The following ZNF578 variants were observed in gnomAD, a reference collection of about 807,000 sequenced individuals.
The protein encoded by ZNF578 is Putative chemokine-related protein B42.
Under a neutral mutation model 8.3 loss-of-function variants are expected in ZNF578, and 8 were observed. The observed-to-expected ratio is 0.96, with a 90% CI of 0.56 to 1.74. The LOEUF (loss-of-function observed/expected upper bound fraction) is 1.74, where lower values mean the gene tolerates loss of function less well. Among genes scored for constraint, ZNF578 ranks in the 40% most tolerant of loss-of-function variants. The pLI is 0.00. For synonymous variants in ZNF578, 206 were observed against 232.2 expected (o/e 0.89, Z 1.03); for missense variants, 726 against 707.5 (o/e 1.03, Z -0.30).
chr19:52,509,366 G>A (rs961554494), intron 5 of ZNF578, among the ~76,000 whole-genome samples: 2 of 152,104 alleles, frequency 1.3e-5, no homozygotes, highest in Non-Finnish European at 2.9e-5. Context: ...TCTGCAGGCT[G>A]TATAAATGTA....
intron 2 of ZNF578, among the ~76,000 whole-genome samples, chr19:52,459,719 G>GTGTA (rs1555751317): frequency 4.1e-5 from 2 of 48,714 alleles, no homozygotes; most frequent in Admixed American, 3.1e-4. Flanking sequence ...AGATATGTGT[G>GTGTA]TGTGTGTGTG....
chr19:52,466,080 A>G (rs2059274180), intron 2 of ZNF578, among the ~76,000 whole-genome samples: 1 of 152,268 alleles, frequency 6.6e-6, no homozygotes, highest in South Asian at 2.1e-4. Flanking sequence ...TGGTCTCCAC[A>G]CTATTGTGTA....
chr19:52,496,797 C>T (rs560202748), intron 3 of ZNF578, among the ~76,000 whole-genome samples: 23 of 151,862 alleles, frequency 1.5e-4, no homozygotes, highest in Non-Finnish European at 2.6e-4. Flanking sequence ...AGCACCATGG[C>T]CGGCTAATTT....
At chr19:52,455,689 T>C (rs1009372108) in intron 1 of ZNF578, 6 of 152,240 alleles carry the variant, frequency 3.9e-5, no homozygotes, top group African/African-American at 1.2e-4. Context: ...TATGCTCCCT[T>C]GCAGTCCTAC....
intron 2 of ZNF578, among the ~76,000 whole-genome samples, chr19:52,463,161 T>C (rs544647721): frequency 6.6e-6 from 1 of 152,346 alleles, no homozygotes; most frequent in South Asian, 2.1e-4. Context: ...TAGGGGATAC[T>C]TGTACTGTGT....
chr19:52,472,973 TTAATA>T (rs1295353333), intron 2 of ZNF578, among the ~76,000 whole-genome samples: 5 of 152,344 alleles, frequency 3.3e-5, no homozygotes, highest in Admixed American at 3.3e-4. Context: ...ATGTCATACA[TTAATA>T]TAAGAGAACC....
intron 3 of ZNF578, among the ~76,000 whole-genome samples, chr19:52,492,165 A>AC (rs1477105082): frequency 4.3e-5 from 2 of 46,908 alleles, no homozygotes; most frequent in Non-Finnish European, 7.5e-5. Flanking sequence ...CTCAAAAAAA[A>AC]AAAAAAAAAA....
chr19:52,490,408 T>A (rs1389026702), intron 2 of ZNF578, among the ~76,000 whole-genome samples: 1 of 152,188 alleles, frequency 6.6e-6, no homozygotes, highest in Non-Finnish European at 1.5e-5. Context: ...GCTTTTTTCT[T>A]GAGAGAGAAT....
At chr19:52,483,550 T>C (rs545933599) in intron 2 of ZNF578, among the ~76,000 whole-genome samples, 60 of 152,336 alleles carry the variant, frequency 3.9e-4, no homozygotes, top group Admixed American at 1.7e-3. Context: ...TGAACATCCC[T>C]TTTGGCCAAT....
chr19:52,487,316 G>A (rs1034874071), intron 2 of ZNF578, among the ~76,000 whole-genome samples: 1 of 152,182 alleles, frequency 6.6e-6, no homozygotes, highest in African/African-American at 2.4e-5. Flanking sequence ...TCAACAGGGC[G>A]AGAGACTTTG....
chr19:52,512,401 A>G lies in ZNF578; in HGVS notation c.*247A>G. ...CGCTACAACGATTGCAAATCATTGG[A>G]GAATCCATAATGAAGAGAGATCTTC... On this transcript the variant is annotated 3_prime_UTR_variant, in exon 6 of 6. Transcript: ENST00000421239. 6.8e-7 allele frequency: 1 copy of G among 1,469,936 alleles called. No individual in the cohort carries two copies. The highest frequency in any genetic ancestry group is 1.7e-5 in the Admixed American group (1 of 59,500). 91.1% of individuals were successfully genotyped at this position (1,469,936 alleles called of 1,614,324 possible). A position where few individuals can be genotyped will look rare whatever the true frequency, so the allele number is the denominator to read the frequency against.
At chr19:52,466,405 C>T (rs1481828808) in intron 2 of ZNF578, among the ~76,000 whole-genome samples, 1 of 152,168 alleles carries the variant, frequency 6.6e-6, no homozygotes, top group Non-Finnish European at 1.5e-5. Context: ...GGAGGCTTTC[C>T]TCCTCAGAGG....
chr19:52,466,740 C>CCATG (rs145756046), intron 2 of ZNF578, among the ~76,000 whole-genome samples: 5,232 of 152,140 alleles, frequency 0.034, 284 homozygotes, highest in African/African-American at 0.11. Context: ...ATGAGCAAGC[C>CCATG]CATGGCTCTT....
intron 4 of ZNF578, among the ~76,000 whole-genome samples, chr19:52,502,951 G>A (rs1379916513): frequency 1.1e-4 from 16 of 152,134 alleles, no homozygotes; most frequent in Non-Finnish European, 2.2e-4. Context: ...GGAGTGCAAT[G>A]TCAGGATCTC....
chr19:52,497,347 T>G (rs1673890), intron 3 of ZNF578, among the ~76,000 whole-genome samples: 3 of 152,068 alleles, frequency 2.0e-5, no homozygotes, highest in African/African-American at 7.2e-5. Context: ...CCGCCCACCT[T>G]GGCCTCCCAA....
intron 2 of ZNF578, among the ~76,000 whole-genome samples, chr19:52,478,799 T>C (rs1202729408): frequency 6.6e-6 from 1 of 152,054 alleles, no homozygotes; most frequent in Non-Finnish European, 1.5e-5. Flanking sequence ...CTGCAACCTC[T>C]GCCTCCCGGG....
intron 2 of ZNF578, among the ~76,000 whole-genome samples, chr19:52,488,079 G>A (rs2059351992): frequency 6.6e-6 from 1 of 151,714 alleles, no homozygotes; most frequent in South Asian, 2.1e-4. Flanking sequence ...CTCAGCCTCA[G>A]TAGCTGGGAT....
At chr19:52,503,787 A>G (rs2059415574) in intron 4 of ZNF578, among the ~76,000 whole-genome samples, 1 of 148,540 alleles carries the variant, frequency 6.7e-6, no homozygotes, top group South Asian at 2.1e-4. Flanking sequence ...CTGTAGAGAA[A>G]ACCCTGTGTT....
intron 3 of ZNF578, among the ~76,000 whole-genome samples, chr19:52,498,776 C>CCCGG (rs1359113577): frequency 6.7e-6 from 1 of 148,742 alleles, no homozygotes; most frequent in Non-Finnish European, 1.5e-5. Context: ...ACCTCTGCCT[C>CCCGG]CCGGGCTCAA....
Sources: allele counts gnomAD v4.1 joint callset (sites outside exome capture counted in the v4.1 genomes callset), GRCh38; gene constraint gnomAD v4.1.1; transcripts MANE v1.5; gene names NCBI Gene and HGNC (gene_info 2026-07-23, HGNC 2026-07-21).